NLN: variants seen among roughly 807,000 people sequenced by gnomAD.
NLN encodes neurolysin.
A neutral mutation model predicts 79.9 loss-of-function variants in NLN; 64 were observed. The ratio of observed to expected loss-of-function variants is 0.80; its 90% CI spans 0.65 to 0.99. The LOEUF (loss-of-function observed/expected upper bound fraction) is 0.99. Ranked by LOEUF, NLN falls within the 50% of genes least tolerant of loss-of-function variation. The probability of loss-of-function intolerance (pLI) is 0.00; values close to 1 mark genes in which losing one functional copy is unlikely to be tolerated. For synonymous variants in NLN, 267 were observed against 296.6 expected, an observed-to-expected ratio of 0.90 and a Z score of 1.02; for missense variants, 835 against 858.7, an observed-to-expected ratio of 0.97 and a Z score of 0.34.
At chr5:65,747,412 T>C (rs990079187) in intron 1 of NLN, among the ~76,000 whole-genome samples, 3 of 152,088 alleles carry the variant, frequency 2.0e-5, no homozygotes, top group Non-Finnish European at 4.4e-5. Context: ...GAGCCTGCTA[T>C]GAGAATAGAG....
chr5:65,723,882 A>G (rs1046702383), intron 1 of NLN, among the ~76,000 whole-genome samples: 1 of 150,380 alleles, frequency 6.6e-6, no homozygotes, highest in African/African-American at 2.4e-5. Context: ...TTACCTTTCA[A>G]AAATTACCGT....
At chr5:65,790,081 A>G (rs139980157) in intron 8 of NLN, among the ~76,000 whole-genome samples, 1 of 152,224 alleles carries the variant, frequency 6.6e-6, no homozygotes, top group African/African-American at 2.4e-5. Context: ...ATAACTATAG[A>G]TTCCATAGTG....
chr5:65,771,286 A>G (rs987762982), intron 3 of NLN, among the ~76,000 whole-genome samples: 1 of 152,212 alleles, frequency 6.6e-6, no homozygotes, highest in African/African-American at 2.4e-5. Flanking sequence ...GTATTTCCCA[A>G]TTCTGACAAG....
intron 1 of NLN, among the ~76,000 whole-genome samples, chr5:65,751,844 G>T (rs184417981): frequency 1.3e-3 from 196 of 152,178 alleles, no homozygotes; most frequent in African/African-American, 4.3e-3. Context: ...CTATTATTAT[G>T]ATGATGATGA....
At chr5:65,742,407 A>G (rs1758889346) in intron 1 of NLN, among the ~76,000 whole-genome samples, 2 of 152,182 alleles carry the variant, frequency 1.3e-5, no homozygotes, top group Admixed American at 1.3e-4. Flanking sequence ...TCAAATTCAA[A>G]TGCAATTTTT....
intron 6 of NLN, among the ~76,000 whole-genome samples, chr5:65,783,531 G>A (rs1759850331): frequency 6.6e-6 from 1 of 152,048 alleles, no homozygotes; most frequent in Non-Finnish European, 1.5e-5. Context: ...GAGGAAGGCT[G>A]GGAAACGTAA....
rs1758656039 is a variant in NLN at position 65,733,427 on chromosome 5, T to C, written c.41+11013T>C. On this transcript the variant is annotated intron_variant, in intron 1 of 12. Coordinates refer to ENST00000380985, the MANE Select transcript of NLN (RefSeq NM_020726.5). ...TGAATGCTCTGAAAGACCTGCTGTG[T>C]CACACAGGCGGGCTGAGCAAGTTAG... The C allele has an allele frequency of 8.1e-6, 12 of 1,483,806 alleles. No individual in the cohort carries two copies. The South Asian group carries it at 1.3e-4, about 16-fold the overall frequency. The allele number at this position is 1,483,806 out of a possible 1,614,324, so 91.9% of individuals were successfully genotyped here.
chr5:65,728,547 T>C (rs1758531071), intron 1 of NLN, among the ~76,000 whole-genome samples: 1 of 152,212 alleles, frequency 6.6e-6, no homozygotes, highest in Non-Finnish European at 1.5e-5. Flanking sequence ...TTCTAAAAAC[T>C]TTCTCCCAAA....
At chr5:65,745,473 G>A (rs1028066890) in intron 1 of NLN, among the ~76,000 whole-genome samples, 5 of 152,200 alleles carry the variant, frequency 3.3e-5, no homozygotes, top group African/African-American at 1.2e-4. Context: ...AATCCCAGCT[G>A]CACAAATGCT....
At chr5:65,812,581 G>GC (rs1760578268) in intron 12 of NLN, among the ~76,000 whole-genome samples, 190 bp downstream of exon 12, 3 of 151,904 alleles carry the variant, frequency 2.0e-5, no homozygotes, top group South Asian at 2.1e-4. Flanking sequence ...TAATTCTATA[G>GC]TTTAAAAAAA....
At chr5:65,788,628 G>A in intron 8 of NLN, 144 bp downstream of exon 8, 2 of 841,332 alleles carry the variant, frequency 2.4e-6, no homozygotes, top group Non-Finnish European at 3.8e-6. Flanking sequence ...TTGAGGCTAG[G>A]AGTTCGAGAC....
intron 9 of NLN, among the ~76,000 whole-genome samples, chr5:65,797,409 G>A (rs1312004803): frequency 1.3e-5 from 2 of 152,204 alleles, no homozygotes; most frequent in Admixed American, 6.5e-5. Flanking sequence ...AAAGCAGCTT[G>A]TCTGCTCTAA....
intron 7 of NLN, among the ~76,000 whole-genome samples, chr5:65,786,756 G>C (rs895925648): frequency 6.6e-6 from 1 of 152,280 alleles, no homozygotes; most frequent in Non-Finnish European, 1.5e-5. Context: ...TAGCTACTTG[G>C]GAGGCTGAGG....
At chr5:65,802,239 T>C (rs1296755601) in intron 9 of NLN, among the ~76,000 whole-genome samples, 3 of 152,014 alleles carry the variant, frequency 2.0e-5, no homozygotes. Flanking sequence ...TGGCAAGGGG[T>C]GCATGAGTGA....
intron 1 of NLN, among the ~76,000 whole-genome samples, chr5:65,754,740 G>GC (rs372230053): frequency 2.0e-4 from 31 of 152,064 alleles, no homozygotes; most frequent in African/African-American, 7.0e-4. Context: ...TCCCCCAGAG[G>GC]CCCCCTCCAA....
chr5:65,752,054 A>C (rs756799752), intron 1 of NLN, among the ~76,000 whole-genome samples: 2 of 152,128 alleles, frequency 1.3e-5, no homozygotes, highest in Admixed American at 6.6e-5. Context: ...ATCCTGGGCA[A>C]CATGGGAAAA....
At chr5:65,758,320 G>C (rs1179490162) in intron 1 of NLN, among the ~76,000 whole-genome samples, 5 of 151,962 alleles carry the variant, frequency 3.3e-5, no homozygotes, top group Non-Finnish European at 2.9e-5. Context: ...TTATCTATAT[G>C]ATTTAATTAC....
chr5:65,795,205 AT>A (rs1053319137), intron 9 of NLN, among the ~76,000 whole-genome samples: 3 of 152,038 alleles, frequency 2.0e-5, no homozygotes, highest in African/African-American at 7.2e-5. Context: ...AATAAAAAAA[AT>A]TAGCTGGGTG....
chr5:65,789,052 G>A (rs1000782876), intron 8 of NLN, among the ~76,000 whole-genome samples: 1 of 152,046 alleles, frequency 6.6e-6, no homozygotes, highest in Non-Finnish European at 1.5e-5. Flanking sequence ...AGGATCACTT[G>A]AGTCCAGGAG....
Sources: gnomAD v4.1 joint callset for allele counts (sites outside exome capture counted in the v4.1 genomes callset) on GRCh38, gnomAD v4.1.1 for gene constraint, MANE v1.5 for transcripts, NCBI Gene and HGNC (gene_info 2026-07-23, HGNC 2026-07-21) for gene names.